LRIT3: variants seen among roughly 807,000 people sequenced by gnomAD.
The protein encoded by LRIT3 is leucine rich repeat, Ig-like and transmembrane domains 3.
In LRIT3, 14 loss-of-function variants were observed where a neutral mutation model predicts 22.6. That is an observed-to-expected ratio of 0.62 (90% CI 0.41 to 0.97). The LOEUF (loss-of-function observed/expected upper bound fraction) is 0.97, where lower values mean the gene tolerates loss of function less well. LRIT3 is among the 50% of genes least tolerant of loss of function. LRIT3 has a pLI of 0.00. For synonymous variants in LRIT3, 306 were observed against 304.5 expected, an observed-to-expected ratio of 1.01 and a Z score of -0.05; for missense variants, 783 against 803.0, an observed-to-expected ratio of 0.98 and a Z score of 0.30.
intron 3 of LRIT3, among the ~76,000 whole-genome samples, chr4:109,868,550 TTAAAAAAAA>T (rs1734741969): frequency 1.4e-5 from 1 of 73,138 alleles, no homozygotes; most frequent in African/African-American, 4.1e-5. Flanking sequence ...TAAGACTGTC[TTAAAAAAAA>T]AAAAAAAAAA....
intron 2 of LRIT3, among the ~76,000 whole-genome samples, chr4:109,854,176 G>A (rs948183405): frequency 1.2e-4 from 18 of 152,132 alleles, no homozygotes; most frequent in African/African-American, 4.1e-4. Flanking sequence ...ATTACTTTGG[G>A]CAGTATGGCC....
chr4:109,853,647 T>C (rs1734325616), intron 2 of LRIT3, among the ~76,000 whole-genome samples: 1 of 152,214 alleles, frequency 6.6e-6, no homozygotes, highest in Non-Finnish European at 1.5e-5. Context: ...TTTTTGGTGT[T>C]TTAGTCATGA....
In LRIT3 at chr4:109,870,513, C is replaced by A; in HGVS notation, c.1764C>A (p.Thr588=). The A allele has an allele frequency of 6.2e-7, 1 of 1,614,156 alleles. No homozygotes were observed. Among genetic ancestry groups the A allele is most frequent in the Non-Finnish European group, 8.5e-7 (1 of 1,180,024 alleles). The change falls in exon 4 of 4, where the codon ACC becomes ACA. Residue 588 remains threonine (T), a synonymous_variant. Coordinates refer to ENST00000594814, the MANE Select transcript of LRIT3 (RefSeq NM_198506.5). ...DSQWSLLLVV[T]STACVVILPL... is the part of the protein sequence containing the mutation. ...AATGGTCTCTCCTTCTCGTGGTGAC[C>A]AGTACTGCCTGTGTTGTTATCTTAC... is the stretch of plus-strand genomic sequence containing the variant.
chr4:109,854,352 G>A (rs1734349781), intron 2 of LRIT3, among the ~76,000 whole-genome samples: 1 of 152,052 alleles, frequency 6.6e-6, no homozygotes. Context: ...TTTACCAATT[G>A]TGAATGGGAA....
In LRIT3 at chr4:109,870,273, C is replaced by T. The variant is rs1734797572; in HGVS notation, c.1524C>T (p.Asn508=). The change falls in exon 4 of 4, where the codon AAC becomes AAT. Residue 508 remains asparagine (N), a synonymous_variant. Coordinates refer to ENST00000594814, the MANE Select transcript of LRIT3 (RefSeq NM_198506.5). ...TGACATTGACGTGGAATATGATCAA[C>T]ACCACACATAACTCTGCAGTGACTG... ...ESVTLTWNMI[N]TTHNSAVTVL... 3 of 1,614,080 alleles carry T rather than the reference C, an allele frequency of 1.9e-6. No homozygotes were observed. The highest frequency in any genetic ancestry group is 2.5e-6 in the Non-Finnish European group (3 of 1,180,042).
intron 2 of LRIT3, among the ~76,000 whole-genome samples, chr4:109,856,064 T>C (rs1296376929): frequency 1.3e-5 from 2 of 152,182 alleles, no homozygotes; most frequent in Admixed American, 6.6e-5. Flanking sequence ...GAACATCTGC[T>C]TTTCTGAGAT....
chr4:109,865,420 A>C, intron 2 of LRIT3: 1 of 863,090 alleles, frequency 1.2e-6, no homozygotes, highest in Non-Finnish European at 1.8e-6. Context: ...TTGAATGTCT[A>C]TGAACTGACT....
intron 2 of LRIT3, among the ~76,000 whole-genome samples, chr4:109,856,136 G>A (rs1309787750): frequency 6.6e-6 from 1 of 152,084 alleles, no homozygotes; most frequent in Admixed American, 6.6e-5. Flanking sequence ...CTCTGCAGGG[G>A]GAAGCACATT....
intron 2 of LRIT3, among the ~76,000 whole-genome samples, chr4:109,862,576 T>C (rs1677220622): frequency 6.6e-6 from 1 of 152,244 alleles, no homozygotes; most frequent in Admixed American, 6.5e-5. Flanking sequence ...TAAAGAATTT[T>C]CTTTCACCAT....
At chr4:109,856,710 ACT>A (rs1734409735) in intron 2 of LRIT3, among the ~76,000 whole-genome samples, 1 of 152,140 alleles carries the variant, frequency 6.6e-6, no homozygotes, top group Non-Finnish European at 1.5e-5. Context: ...CGTGTTCTAA[ACT>A]CTTAATTCTA....
At position 109,870,405 on chromosome 4, in the gene LRIT3, C is replaced by A. The variant is rs1421940218; in HGVS notation, c.1656C>A (p.Ala552=). Residue 552 remains alanine (A), a synonymous_variant, in exon 4 of 4, where the codon GCC becomes GCA. Transcript: ENST00000594814. Reference sequence around the variant, plus strand: ...TGGAACCCGGTGGGCAATACATGGCCTGTGTCTGTCCAAAAGGAGTGCCTC... The same window carrying A: ...TGGAACCCGGTGGGCAATACATGGCATGTGTCTGTCCAAAAGGAGTGCCTC... ...DGLEPGGQYM[A]CVCPKGVPPQ... 3.7e-6 allele frequency: 6 copies of A among 1,614,008 alleles called. No individual in the cohort carries two copies. Among genetic ancestry groups the A allele is most frequent in the Non-Finnish European group, 8.5e-7 (1 of 1,180,040 alleles).
chr4:109,858,159 A>G (rs1032888395), intron 2 of LRIT3, among the ~76,000 whole-genome samples: 4 of 152,192 alleles, frequency 2.6e-5, no homozygotes, highest in African/African-American at 9.7e-5. Flanking sequence ...CATAGACCTC[A>G]GTAGGAGCGT....
chr4:109,850,611 G>A (rs1403276100), intron 1 of LRIT3, among the ~76,000 whole-genome samples: 1 of 151,404 alleles, frequency 6.6e-6, no homozygotes, highest in Non-Finnish European at 1.5e-5. Flanking sequence ...TGAGTAGGTA[G>A]GATTACAGGT....
intron 2 of LRIT3, among the ~76,000 whole-genome samples, chr4:109,860,221 T>C (rs78098225): frequency 1.3e-5 from 2 of 152,140 alleles, no homozygotes; most frequent in African/African-American, 2.4e-5. Flanking sequence ...GCTTTTTTTT[T>C]GGGGGTGTTG....
At chr4:109,863,685 G>A (rs140443152) in intron 2 of LRIT3, among the ~76,000 whole-genome samples, 1 of 152,310 alleles carries the variant, frequency 6.6e-6, no homozygotes, top group African/African-American at 2.4e-5. Context: ...AGTGCTGTGA[G>A]CAATGAGCTC....
In LRIT3 at chr4:109,851,952, C is replaced by A. The variant is rs75301950; in HGVS notation, c.565C>A (p.Leu189Ile). The A allele has an allele frequency of 3.2e-6, 5 of 1,548,576 alleles. No homozygotes were observed. Among genetic ancestry groups the A allele is most frequent in the Admixed American group, 2.0e-5 (1 of 50,446 alleles). The change falls in exon 2 of 4, where the codon CTT becomes ATT. Residue 189 changes from leucine to isoleucine, a missense_variant. This residue lies in a region of LRIT3 where 756 missense variants were observed against 753.8 expected (regional missense o/e 1.00). Transcript: ENST00000594814. Reference sequence around the variant, plus strand: ...TTCAACACCTTCTGGAGTCCTGGACCTTTCCCCAAGCAGGATTATTCTTGG... The same window carrying A: ...TTCAACACCTTCTGGAGTCCTGGACATTTCCCCAAGCAGGATTATTCTTGG... ...LVSTPSGVLD[L>I]SPSRIILGLQ...
intron 2 of LRIT3, among the ~76,000 whole-genome samples, chr4:109,865,473 A>C (rs976420758): frequency 1.3e-5 from 2 of 152,160 alleles, no homozygotes; most frequent in African/African-American, 4.8e-5. Context: ...TCATATCTCC[A>C]CCATTACTTA....
intron 2 of LRIT3, among the ~76,000 whole-genome samples, chr4:109,867,339 C>G (rs1734706202): frequency 6.6e-6 from 1 of 152,104 alleles, no homozygotes; most frequent in Non-Finnish European, 1.5e-5. Context: ...ATATCATTTT[C>G]TCATAGGATT....
At chr4:109,849,150 A>G (rs144684455) in intron 1 of LRIT3, among the ~76,000 whole-genome samples, 132 of 152,378 alleles carry the variant, frequency 8.7e-4, no homozygotes, top group Non-Finnish European at 1.2e-3. Context: ...ATAACTTTAA[A>G]CAAATAAATA....
Sources: gnomAD v4.1 joint callset for allele counts (sites outside exome capture counted in the v4.1 genomes callset) on GRCh38, gnomAD v4.1.1 for gene constraint, gnomAD v4.1.1 regional missense constraint, MANE v1.5 for transcripts, NCBI Gene and HGNC (gene_info 2026-07-23, HGNC 2026-07-21) for gene names.